Variants in ADAMTSL1 observed in about 807,000 individuals in gnomAD.
ADAMTSL1 encodes ADAMTS like 1.
In ADAMTSL1, 126 loss-of-function variants were observed where a neutral mutation model predicts 201.8. The ratio of observed to expected loss-of-function variants is 0.62; its 90% CI spans 0.54 to 0.72. ADAMTSL1 has a LOEUF of 0.72. Among genes scored for constraint, ADAMTSL1 ranks in the 30% least tolerant of loss-of-function variants. The pLI is 0.00. For synonymous variants in ADAMTSL1, 1,121 were observed against 903.4 expected (o/e 1.24, Z -4.32); for missense variants, 2,679 against 2,277.8 (o/e 1.18, Z -3.59).
rs546220989 is a variant in ADAMTSL1 at position 18,825,194 on chromosome 9, T to C, written c.3935-1090T>C. ...CCTATAGGATCCTCCTAAAACAGCATCTAGGAAGGCTCATCCTAAACTCTC... is the reference window on the plus strand; with the variant it reads ...CCTATAGGATCCTCCTAAAACAGCACCTAGGAAGGCTCATCCTAAACTCTC... On this transcript the variant is annotated intron_variant, in intron 21 of 28. Transcript: ENST00000380548. Among the ~76,000 whole-genome samples the C allele has an allele frequency of 2.6e-5, 4 of 152,182 alleles. No homozygotes were observed. In the South Asian group the frequency reaches 6.2e-4, roughly 24 times the overall value.
chr9:18,490,920 G>C (rs1822240746), intron 1 of ADAMTSL1, among the ~76,000 whole-genome samples: 1 of 152,188 alleles, frequency 6.6e-6, no homozygotes, highest in Admixed American at 6.5e-5. Context: ...AGCCTTTCAA[G>C]AAGTTTAGAA....
chr9:18,680,297 C>G lies in ADAMTSL1; in HGVS notation c.1137-15C>G, dbSNP rs770671430. ...ATGTGCATGTCTGCCCTGATGACTCCCCTTGCTTCTGTAGGTGGGAGGCCA... is the reference window on the plus strand; with the variant it reads ...ATGTGCATGTCTGCCCTGATGACTCGCCTTGCTTCTGTAGGTGGGAGGCCA... On this transcript the variant is annotated splice_polypyrimidine_tract_variant and intron_variant, in intron 10 of 28. Transcript: ENST00000380548. 1 of 1,612,916 alleles carries G rather than the reference C, an allele frequency of 6.2e-7. No homozygotes were observed. Among genetic ancestry groups the G allele is most frequent in the African/African-American group, 1.3e-5 (1 of 74,884 alleles).
At chr9:18,839,433 T>A (rs373427851) in intron 23 of ADAMTSL1, among the ~76,000 whole-genome samples, 13 of 152,274 alleles carry the variant, frequency 8.5e-5, no homozygotes, top group Admixed American at 6.5e-4. Flanking sequence ...CAGTCTATCG[T>A]TGTTGGACAT....
At chr9:18,676,735 C>G (rs187810564) in intron 10 of ADAMTSL1, among the ~76,000 whole-genome samples, 4 of 152,076 alleles carry the variant, frequency 2.6e-5, no homozygotes, top group Non-Finnish European at 5.9e-5. Flanking sequence ...TATTTAGAAC[C>G]AAGGGTTTAT....
At chr9:18,815,411 G>A (rs1434283719) in intron 20 of ADAMTSL1, among the ~76,000 whole-genome samples, 3 of 151,532 alleles carry the variant, frequency 2.0e-5, no homozygotes, top group Non-Finnish European at 2.9e-5. Flanking sequence ...GAGGACAGGC[G>A]TGGTGGCTCA....
At chr9:18,540,305 G>A (rs1171158577) in intron 3 of ADAMTSL1, among the ~76,000 whole-genome samples, 1 of 152,190 alleles carries the variant, frequency 6.6e-6, no homozygotes, top group Non-Finnish European at 1.5e-5. Context: ...GTTTCATATA[G>A]TGAATGATTA....
At chr9:18,281,411 A>T (rs1356705778) in intron 2 of ADAMTSL1, among the ~76,000 whole-genome samples, 5 of 151,948 alleles carry the variant, frequency 3.3e-5, no homozygotes, top group Admixed American at 3.3e-4. Context: ...GGAAGCAACA[A>T]CCTGGGCTCC....
At chr9:18,686,904 T>A (rs2133212205) in intron 13 of ADAMTSL1, among the ~76,000 whole-genome samples, 1 of 152,352 alleles carries the variant, frequency 6.6e-6, no homozygotes, top group East Asian at 1.9e-4. Context: ...GCATTACGTT[T>A]AACTTTAATC....
intron 23 of ADAMTSL1, among the ~76,000 whole-genome samples, chr9:18,882,433 G>C (rs1259438996): frequency 6.6e-6 from 1 of 152,110 alleles, no homozygotes; most frequent in Non-Finnish European, 1.5e-5. Context: ...AGTTTCAAAA[G>C]TATATTTGCC....
At chr9:18,761,451 G>A (rs1588060356) in intron 16 of ADAMTSL1, among the ~76,000 whole-genome samples, 1 of 152,046 alleles carries the variant, frequency 6.6e-6, no homozygotes, top group Non-Finnish European at 1.5e-5. Flanking sequence ...GTGTATGGCA[G>A]CTGGTATAAG....
chr9:18,326,629 G>T (rs1340410359), intron 2 of ADAMTSL1, among the ~76,000 whole-genome samples: 2 of 152,124 alleles, frequency 1.3e-5, no homozygotes, highest in Admixed American at 6.5e-5. Context: ...AGAAACATTA[G>T]AACCTTAGCA....
chr9:18,804,645 A>G (rs1473651297), intron 20 of ADAMTSL1, among the ~76,000 whole-genome samples: 1 of 152,182 alleles, frequency 6.6e-6, no homozygotes, highest in Non-Finnish European at 1.5e-5. Flanking sequence ...GATGGATAAG[A>G]TATTGTTGGT....
intron 2 of ADAMTSL1, among the ~76,000 whole-genome samples, chr9:18,216,125 G>C (rs1202575329): frequency 6.6e-6 from 1 of 152,126 alleles, no homozygotes; most frequent in Non-Finnish European, 1.5e-5. Context: ...TCTCTAATAA[G>C]AGAATCCTCA....
chr9:18,305,448 A>G (rs1833872507), intron 2 of ADAMTSL1, among the ~76,000 whole-genome samples: 1 of 152,194 alleles, frequency 6.6e-6, no homozygotes, highest in Non-Finnish European at 1.5e-5. Context: ...GCAAGCTAAG[A>G]TCCACTGGCT....
At chr9:17,989,060 C>T (rs920253105) in intron 1 of ADAMTSL1, among the ~76,000 whole-genome samples, 2 of 151,816 alleles carry the variant, frequency 1.3e-5, no homozygotes, top group Non-Finnish European at 2.9e-5. Flanking sequence ...ACTGAAAATG[C>T]ATGGTTTTCT....
At chr9:18,007,659 G>A (rs933534135) in intron 1 of ADAMTSL1, among the ~76,000 whole-genome samples, 2 of 151,906 alleles carry the variant, frequency 1.3e-5, no homozygotes. Flanking sequence ...CTGGTAATGG[G>A]GATGATTATG....
intron 2 of ADAMTSL1, among the ~76,000 whole-genome samples, chr9:18,333,763 A>AT (rs1432092154): frequency 6.6e-6 from 1 of 152,146 alleles, no homozygotes; most frequent in Non-Finnish European, 1.5e-5. Context: ...GAGGAGACAG[A>AT]TTTTACCCTA....
intron 2 of ADAMTSL1, among the ~76,000 whole-genome samples, chr9:18,508,547 A>C (rs1306394503): frequency 2.0e-5 from 3 of 152,196 alleles, no homozygotes; most frequent in Non-Finnish European, 4.4e-5. Context: ...TGTTTTCTTG[A>C]TAATTTTTAT....
At chr9:18,541,847 G>A (rs932715566) in intron 3 of ADAMTSL1, among the ~76,000 whole-genome samples, 1 of 152,242 alleles carries the variant, frequency 6.6e-6, no homozygotes, top group African/African-American at 2.4e-5. Context: ...CTCATAGCAT[G>A]GAATGCTATA....
Sources: allele counts gnomAD v4.1 joint callset (sites outside exome capture counted in the v4.1 genomes callset), GRCh38; gene constraint gnomAD v4.1.1; transcripts MANE v1.5; gene names NCBI Gene and HGNC (gene_info 2026-07-23, HGNC 2026-07-21).